CFAP92: variants seen among roughly 807,000 people sequenced by gnomAD.
CFAP92 encodes the protein uncharacterized protein CFAP92.
A neutral mutation model predicts 106.3 loss-of-function variants in CFAP92; 86 were observed. The observed-to-expected ratio is 0.81, with a 90% CI of 0.68 to 0.97. The LOEUF is 0.97. Among genes scored for constraint, CFAP92 ranks in the 50% least tolerant of loss-of-function variants. The probability of loss-of-function intolerance (pLI) is 0.00; values close to 1 mark genes in which losing one functional copy is unlikely to be tolerated. For synonymous variants in CFAP92, 477 were observed against 506.4 expected, an observed-to-expected ratio of 0.94 and a Z score of 0.78; for missense variants, 1,204 against 1,283.8, an observed-to-expected ratio of 0.94 and a Z score of 0.95.
chr3:128,972,094 T>C (rs1942842089), intron 7 of CFAP92, among the ~76,000 whole-genome samples: 1 of 152,230 alleles, frequency 6.6e-6, no homozygotes, highest in African/African-American at 2.4e-5. Context: ...GGATAAGTTA[T>C]ATTGATTATC....
chr3:128,942,540 G>A (rs986116441), intron 10 of CFAP92, among the ~76,000 whole-genome samples: 1 of 152,220 alleles, frequency 6.6e-6, no homozygotes, highest in Non-Finnish European at 1.5e-5. Flanking sequence ...TCCTGTGACT[G>A]TCAGGTGTGA....
chr3:128,931,471 A>ATATATG lies in CFAP92; in HGVS notation c.2751+1228_2751+1229insCATATA, dbSNP rs1463682712. ...TATGTGTGTATATATATATACACAT[A>ATATATG]CATGTATATATATGTATGTATGTAT... On this transcript the variant is annotated intron_variant, in intron 12 of 15. Coordinates refer to ENST00000645291, the MANE Select transcript of CFAP92 (RefSeq NM_001394090.1). Among the ~76,000 whole-genome samples, 18 of 92,252 alleles carry ATATATG rather than the reference A, an allele frequency of 2.0e-4. 1 individual carries two copies. The highest frequency in any genetic ancestry group is 7.7e-4 in the Admixed American group (7 of 9,040). 60.5% of individuals were successfully genotyped at this position (92,252 alleles called of 152,430 possible). A position where few individuals can be genotyped will look rare whatever the true frequency, so the allele number is the denominator to read the frequency against.
intron 12 of CFAP92, among the ~76,000 whole-genome samples, chr3:128,931,689 G>T (rs984805266): frequency 6.6e-6 from 1 of 151,868 alleles, no homozygotes; most frequent in East Asian, 1.9e-4. Context: ...ATAAATCCAA[G>T]AACTGATTCT....
In CFAP92 at chr3:128,988,893, C is replaced by G; in HGVS notation, c.288G>C (p.Leu96Phe). 1 of 1,613,420 alleles carries G rather than the reference C, an allele frequency of 6.2e-7. No individual in the cohort carries two copies. Among genetic ancestry groups the G allele is most frequent in the Non-Finnish European group, 8.5e-7 (1 of 1,179,580 alleles). The change falls in exon 3 of 16, where the codon TTG becomes TTC. Residue 96 changes from leucine (L) to phenylalanine (F), a missense_variant. Leu to Phe is a conservative substitution (Grantham distance 22). Transcript: ENST00000645291. ...NMGQKGKYAS[L>F]IEKYKKHPKT... ...TAGGGTGTTTCTTATATTTTTCAAT[C>G]AAACTTGCATATTTTCCCTTCTGAC... is the stretch of plus-strand genomic sequence containing the variant.
chr3:128,937,794 C>T (rs1939200954), intron 10 of CFAP92, among the ~76,000 whole-genome samples: 1 of 152,038 alleles, frequency 6.6e-6, no homozygotes, highest in Non-Finnish European at 1.5e-5. Context: ...GGTGCACTGG[C>T]TCACACCTGT....
intron 8 of CFAP92, chr3:128,968,362 TC>T (rs1396020475): frequency 6.6e-6 from 1 of 152,220 alleles, no homozygotes; most frequent in African/African-American, 2.4e-5. Flanking sequence ...ACATACATGA[TC>T]TATGGCCTAA....
chr3:128,987,555 AT>A, intron 4 of CFAP92, 60 bp downstream of exon 4: 1 of 1,432,734 alleles, frequency 7.0e-7, no homozygotes, highest in South Asian at 1.2e-5. Flanking sequence ...ACTGGCTTTT[AT>A]GCTGTTACTA....
intron 8 of CFAP92, chr3:128,970,607 CAT>C (rs1413324156): frequency 2.0e-5 from 3 of 152,182 alleles, no homozygotes; most frequent in African/African-American, 7.2e-5. Flanking sequence ...ATCATCAAAA[CAT>C]ATTGATATAA....
chr3:129,019,529 A>G, the CFAP92 span, among the ~76,000 whole-genome samples: 1 of 152,196 alleles, frequency 6.6e-6, no homozygotes, highest in East Asian at 1.9e-4. Context: ...TTCTAGATTC[A>G]TATAATTGTA....
intron 12 of CFAP92, among the ~76,000 whole-genome samples, chr3:128,921,333 G>A (rs1179077686): frequency 2.6e-5 from 4 of 152,232 alleles, no homozygotes; most frequent in Non-Finnish European, 4.4e-5. Context: ...GGAAGGACCA[G>A]GGTAACAATG....
At chr3:129,025,261 A>T in the CFAP92 span, among the ~76,000 whole-genome samples, 1 of 152,250 alleles carries the variant, frequency 6.6e-6, no homozygotes, top group South Asian at 2.1e-4. Flanking sequence ...AGGTCCTCAG[A>T]GGGCATCCCA....
intron 15 of CFAP92, 24 bp downstream of exon 15, chr3:128,915,095 G>C (rs1936695733): frequency 2.6e-6 from 4 of 1,531,878 alleles, no homozygotes; most frequent in Non-Finnish European, 3.5e-6. Flanking sequence ...AGGAGGCCCA[G>C]CTTGGCAAAC....
chr3:128,915,911 C>A, intron 13 of CFAP92, 196 bp downstream of exon 13: 1 of 439,524 alleles, frequency 2.3e-6, no homozygotes, highest in South Asian at 9.1e-5. Flanking sequence ...GGATCTTGGG[C>A]TTACCCTCAG....
At chr3:129,016,107 G>A in the CFAP92 span, among the ~76,000 whole-genome samples, 3 of 152,212 alleles carry the variant, frequency 2.0e-5, no homozygotes, top group Non-Finnish European at 4.4e-5. Context: ...CCCAGGCGGT[G>A]TAATGGGCTT....
At chr3:128,939,823 G>A (rs547986225) in intron 10 of CFAP92, among the ~76,000 whole-genome samples, 9 of 152,262 alleles carry the variant, frequency 5.9e-5, no homozygotes, top group South Asian at 2.1e-4. Context: ...TAGGTCCCTC[G>A]CATGCACAGT....
At chr3:129,023,167 C>T in the CFAP92 span, among the ~76,000 whole-genome samples, 7 of 152,232 alleles carry the variant, frequency 4.6e-5, no homozygotes, top group Non-Finnish European at 7.3e-5. Context: ...CTGTCAGGGA[C>T]AGCAGAGGTT....
chr3:129,011,160 A>G, the CFAP92 span, among the ~76,000 whole-genome samples: 1 of 152,226 alleles, frequency 6.6e-6, no homozygotes, highest in Non-Finnish European at 1.5e-5. Context: ...TGAGATGAGA[A>G]TAATAATGAT....
At chr3:128,952,341 G>A (rs1940895923) in intron 9 of CFAP92, among the ~76,000 whole-genome samples, 1 of 151,694 alleles carries the variant, frequency 6.6e-6, no homozygotes. Flanking sequence ...TGCCCAGGCT[G>A]GTCTTAAACT....
At position 128,932,954 on chromosome 3, in the gene CFAP92, T is replaced by C; in HGVS notation, c.2497A>G (p.Thr833Ala). The change falls in exon 12 of 16, where the codon ACG (threonine) becomes GCG (alanine). Residue 833 changes from threonine to alanine, a missense_variant. By Grantham distance (58) the Thr-to-Ala change is moderately conservative. Transcript: ENST00000645291. Reference sequence around the variant, plus strand: ...GAGGAGGGCAGCAGGTCCCTCACCGTCACGTCCCAGAGGGTGGTGCTGTTA... The same window carrying C: ...GAGGAGGGCAGCAGGTCCCTCACCGCCACGTCCCAGAGGGTGGTGCTGTTA... ...CYNSTTLWDV[T>A]VRDLLPSSAM... 3 of 1,536,136 alleles carry C rather than the reference T, an allele frequency of 2.0e-6. No individual in the cohort carries two copies. Among genetic ancestry groups the C allele is most frequent in the South Asian group, 2.4e-5 (2 of 84,066 alleles).
Sources: allele counts gnomAD v4.1 joint callset (sites outside exome capture counted in the v4.1 genomes callset), GRCh38; gene constraint gnomAD v4.1.1; transcripts MANE v1.5; gene names NCBI Gene and HGNC (gene_info 2026-07-23, HGNC 2026-07-21).